Variants in SCO1 observed in about 807,000 individuals in gnomAD.
The protein encoded by SCO1 is synthesis of cytochrome C oxidase 1, also known as cytochrome c oxidase assembly factor SCO1.
A neutral mutation model predicts 34.0 loss-of-function variants in SCO1; 23 were observed. The observed-to-expected ratio is 0.68, with a 90% CI of 0.49 to 0.96. The LOEUF is 0.96. Ranked by LOEUF, SCO1 falls within the 40% of genes least tolerant of loss-of-function variation. The pLI is 0.00. For missense variants in SCO1, 404 were observed against 381.6 expected (o/e 1.06, Z -0.49); for synonymous variants, 161 against 145.5 (o/e 1.11, Z -0.77).
At chr17:10,687,200 T>G (rs896591475) in intron 4 of SCO1, among the ~76,000 whole-genome samples, 12 of 152,192 alleles carry the variant, frequency 7.9e-5, no homozygotes, top group Non-Finnish European at 1.6e-4. Flanking sequence ...TAACTTTTCA[T>G]GGCATCATAT....
chr17:10,691,183 G>A (rs2074687248), intron 4 of SCO1, among the ~76,000 whole-genome samples: 1 of 152,192 alleles, frequency 6.6e-6, no homozygotes, highest in East Asian at 1.9e-4. Flanking sequence ...TCAGTGGCGT[G>A]ATGTCAGCTC....
At position 10,678,750 on chromosome 17, in the gene SCO1, A is replaced by G. The variant is rs2074598939; in HGVS notation, c.*2369T>C. 1 of 152,106 alleles carries G rather than the reference A, an allele frequency of 6.6e-6. No individual in the cohort carries two copies. The highest frequency in any genetic ancestry group is 1.5e-5 in the Non-Finnish European group (1 of 68,018). 9.4% of individuals were successfully genotyped at this position (152,106 alleles called of 1,614,324 possible). A position where few individuals can be genotyped will look rare whatever the true frequency, so the allele number is the denominator to read the frequency against. ...GCAGTTGTTTATTAAGGAACAGGCT[A>G]TTGTATTAGCTTGCTAGGACTGCCT... is the stretch of plus-strand genomic sequence containing the variant. On this transcript the variant is annotated 3_prime_UTR_variant, in exon 6 of 6. Transcript: ENST00000255390.
At chr17:10,687,686 A>C (rs1212085474) in intron 4 of SCO1, among the ~76,000 whole-genome samples, 1 of 152,212 alleles carries the variant, frequency 6.6e-6, no homozygotes, top group African/African-American at 2.4e-5. Flanking sequence ...ACTTTTTTTA[A>C]AACTAAATTG....
chr17:10,697,414 G>C lies in SCO1; in HGVS notation c.94C>G (p.Pro32Ala), dbSNP rs762163897. The C allele has an allele frequency of 1.6e-5, 26 of 1,609,976 alleles. No individual in the cohort carries two copies. In the African/African-American group the frequency reaches 2.8e-4, roughly 17 times the overall value. Residue 32 changes from proline (P) to alanine (A), a missense_variant, in exon 1 of 6, where the codon CCA becomes GCA. By Grantham distance (27) the Pro-to-Ala change is conservative (BLOSUM62 -1). Coordinates refer to ENST00000255390, the MANE Select transcript of SCO1 (RefSeq NM_004589.4). Reference protein sequence around the residue: ...FLPRGLEFWGPAEGTARVLLR... With the variant: ...FLPRGLEFWGAAEGTARVLLR... ...AAGACTCTCGCAGTCCCCTCGGCTG[G>C]GCCCCAAAACTCGAGTCCGCGAGGC... is the stretch of plus-strand genomic sequence containing the variant.
In SCO1 at chr17:10,677,540, A is replaced by C. The variant is rs1365860764; in HGVS notation, c.*3579T>G. On this transcript the variant is annotated 3_prime_UTR_variant, in exon 6 of 6. Coordinates refer to ENST00000255390, the MANE Select transcript of SCO1 (RefSeq NM_004589.4). Reference sequence around the variant, plus strand: ...CATAAATTTAAGAACAATAAAAGCTATTTTAAAGGATCTTATGCAGACGCA... The same window carrying C: ...CATAAATTTAAGAACAATAAAAGCTCTTTTAAAGGATCTTATGCAGACGCA... 6.6e-6 allele frequency: 1 copy of C among 152,212 alleles called. No homozygotes were observed. The highest frequency in any genetic ancestry group is 1.5e-5 in the Non-Finnish European group (1 of 68,034). The allele number at this position is 152,212 out of a possible 1,614,324, so 9.4% of individuals were successfully genotyped here.
Position 10,672,491 on chromosome 17 carries a change from T to G in SCO1, c.*8628A>C, listed in dbSNP as rs1163789096. ...AGACACTGTAATTTTTAAGTAAGGT[T>G]TATTGAGGTATGTATATTACAATTC... On this transcript the variant is annotated 3_prime_UTR_variant, in exon 6 of 6. Transcript: ENST00000255390. 6.6e-6 allele frequency: 1 copy of G among 152,190 alleles called. No homozygotes were observed. Among genetic ancestry groups the G allele is most frequent in the East Asian group, 1.9e-4 (1 of 5,208 alleles). 9.4% of individuals were successfully genotyped at this position (152,190 alleles called of 1,614,324 possible).
intron 5 of SCO1, 58 bp from the exon 6 acceptor site, chr17:10,681,311 A>ATG: frequency 6.5e-7 from 1 of 1,550,376 alleles, no homozygotes; most frequent in African/African-American, 1.4e-5. Context: ...TGCTTATTTT[A>ATG]CTGAATGTAT....
At position 10,678,882 on chromosome 17, in the gene SCO1, CACA is replaced by C. The variant is rs941890517; in HGVS notation, c.*2234_*2236del. ...AGGGTTTGTTTTTTTTTTTTTTTCT[CACA>C]ACTTCTCTCTTGGCTTGTAAGATGG... On this transcript the variant is annotated 3_prime_UTR_variant, in exon 6 of 6. Transcript: ENST00000255390. 2.1e-5 allele frequency: 3 copies of C among 146,218 alleles called. No individual in the cohort carries two copies. Among genetic ancestry groups the C allele is most frequent in the Non-Finnish European group, 3.0e-5 (2 of 66,730 alleles). 9.1% of individuals were successfully genotyped at this position (146,218 alleles called of 1,614,324 possible).
chr17:10,692,785 T>A lies in SCO1; in HGVS notation c.541A>T (p.Ile181Phe), dbSNP rs745988428. 1 of 1,614,062 alleles carries A rather than the reference T, an allele frequency of 6.2e-7. No individual in the cohort carries two copies. Among genetic ancestry groups the A allele is most frequent in the Non-Finnish European group, 8.5e-7 (1 of 1,179,914 alleles). The part of the protein sequence containing the change: ...DVCPEELEKM[I>F]QVVDEIDSIT... ...TTACCTATTTCATCCACGACTTGAATCATCTTTTCTAGTTCTTCTGGACAG... is the reference window on the plus strand; with the variant it reads ...TTACCTATTTCATCCACGACTTGAAACATCTTTTCTAGTTCTTCTGGACAG... The change falls in exon 3 of 6, where the codon ATT (isoleucine) becomes TTT (phenylalanine). Residue 181 changes from isoleucine (I) to phenylalanine (F), a missense_variant. By Grantham distance (21) the Ile-to-Phe change is conservative. Coordinates refer to ENST00000255390, the MANE Select transcript of SCO1 (RefSeq NM_004589.4).
chr17:10,686,654 A>G lies in SCO1; in HGVS notation c.771+73T>C, dbSNP rs544154896. ...TATTCTCTCTTCTCAGAAGCTAGTC[A>G]GTCATTGAAAGCCTTATGACTATTT... On this transcript the variant is annotated intron_variant, in intron 5 of 5. Coordinates refer to ENST00000255390, the MANE Select transcript of SCO1 (RefSeq NM_004589.4). 2,195 of 891,718 alleles carry G rather than the reference A, an allele frequency of 2.5e-3. 22 individuals carry two copies. The highest frequency in any genetic ancestry group is 0.012 in the South Asian group (933 of 76,732). The allele number at this position is 891,718 out of a possible 1,614,324, so 55.2% of individuals were successfully genotyped here.
At chr17:10,693,024 T>C in intron 2 of SCO1, 63 bp from the exon 3 acceptor site, 1 of 1,381,070 alleles carries the variant, frequency 7.2e-7, no homozygotes. Context: ...GGTACTCAAA[T>C]ACCTGACATA....
At position 10,674,299 on chromosome 17, in the gene SCO1, G is replaced by A. The variant is rs556460511; in HGVS notation, c.*6820C>T. ...CACGCCACCGGGCATGGTGGCGGGC[G>A]CCTGTAATCCCAGCTACTTGGGAGG... On this transcript the variant is annotated 3_prime_UTR_variant, in exon 6 of 6. Coordinates refer to ENST00000255390, the MANE Select transcript of SCO1 (RefSeq NM_004589.4). 20 of 162,484 alleles carry A rather than the reference G, an allele frequency of 1.2e-4. 1 individual carries two copies. In the East Asian group the frequency reaches 1.8e-3, roughly 15 times the overall value. The allele number at this position is 162,484 out of a possible 1,614,324, so 10.1% of individuals were successfully genotyped here. A position where few individuals can be genotyped will look rare whatever the true frequency, so the allele number is the denominator to read the frequency against.
rs2074595876 is a variant in SCO1, at chr17:10,678,346, G to T, written c.*2773C>A. On this transcript the variant is annotated 3_prime_UTR_variant, in exon 6 of 6. Coordinates refer to ENST00000255390, the MANE Select transcript of SCO1 (RefSeq NM_004589.4). ...TGTGCATAAACAGGAACATCTGGAA[G>T]ACGTCACCTCTAAGGTCCCCTTCCC... 1 of 152,108 alleles carries T rather than the reference G, an allele frequency of 6.6e-6. No individual in the cohort carries two copies. The highest frequency in any genetic ancestry group is 1.5e-5 in the Non-Finnish European group (1 of 68,012). The allele number at this position is 152,108 out of a possible 1,614,324, so 9.4% of individuals were successfully genotyped here. A position where few individuals can be genotyped will look rare whatever the true frequency, so the allele number is the denominator to read the frequency against.
At chr17:10,695,596 G>T in intron 2 of SCO1, 145 bp downstream of exon 2, 1 of 614,264 alleles carries the variant, frequency 1.6e-6, no homozygotes, top group Non-Finnish European at 2.9e-6. Flanking sequence ...CTGGGTGAAA[G>T]GTATGTAGAA....
At chr17:10,692,289 A>G (rs1211842506) in intron 3 of SCO1, among the ~76,000 whole-genome samples, 1 of 152,316 alleles carries the variant, frequency 6.6e-6, no homozygotes, top group East Asian at 1.9e-4. Flanking sequence ...CCACTCCAGT[A>G]TCTGTAGTTT....
In SCO1 at chr17:10,689,956, TCTC is replaced by T. The variant is rs10587887; in HGVS notation, c.655+1913_655+1915del. Among the ~76,000 whole-genome samples, 1,177 of 151,920 alleles carry T rather than the reference TCTC, an allele frequency of 7.7e-3. 18 individuals carry two copies. The highest frequency in any genetic ancestry group is 0.027 in the African/African-American group (1,129 of 41,386). Reference sequence around the variant, plus strand: ...AAAACATACGCTGGGGAAAGGACAGTCTCCTCAAGAAACGGCACTAGGAAAACG... The same window carrying T: ...AAAACATACGCTGGGGAAAGGACAGTCTCAAGAAACGGCACTAGGAAAACG... On this transcript the variant is annotated intron_variant, in intron 4 of 5. Coordinates refer to ENST00000255390, the MANE Select transcript of SCO1 (RefSeq NM_004589.4).
intron 4 of SCO1, among the ~76,000 whole-genome samples, chr17:10,691,663 T>C (rs2074689752): frequency 2.6e-5 from 4 of 152,198 alleles, no homozygotes; most frequent in Admixed American, 2.6e-4. Context: ...TGACAAAATA[T>C]AAAGAGCACT....
intron 3 of SCO1, 142 bp from the exon 4 acceptor site, chr17:10,692,106 G>A (rs2151456751): frequency 1.4e-6 from 1 of 700,602 alleles, no homozygotes; most frequent in East Asian, 2.7e-5. Context: ...AGGTGAAGAG[G>A]AAGAGGACGG....
intron 5 of SCO1, among the ~76,000 whole-genome samples, chr17:10,683,027 T>G (rs2074632123): frequency 6.6e-6 from 1 of 152,220 alleles, no homozygotes; most frequent in Non-Finnish European, 1.5e-5. Flanking sequence ...TACGTTTTAG[T>G]GTGAATTATT....
Sources: allele counts gnomAD v4.1 joint callset (sites outside exome capture counted in the v4.1 genomes callset), GRCh38; gene constraint gnomAD v4.1.1; transcripts MANE v1.5; gene names NCBI Gene and HGNC (gene_info 2026-07-23, HGNC 2026-07-21).